Variants in PTPRT observed in about 807,000 individuals in gnomAD.
PTPRT encodes receptor-type tyrosine-protein phosphatase T.
PTPRT carries 56 observed loss-of-function variants against 176.8 expected under a neutral mutation model. The ratio of observed to expected loss-of-function variants is 0.32; its 90% CI spans 0.26 to 0.40. PTPRT has a LOEUF of 0.40. PTPRT is among the 10% of genes least tolerant of loss of function. The probability of loss-of-function intolerance (pLI) is 1.00; values close to 1 mark genes in which losing one functional copy is unlikely to be tolerated. For missense variants in PTPRT, 1,540 were observed against 1,908.2 expected, an observed-to-expected ratio of 0.81 and a Z score of 3.60; for synonymous variants, 783 against 739.0, an observed-to-expected ratio of 1.06 and a Z score of -0.96.
At chr20:42,657,575 G>A (rs2075147766) in intron 7 of PTPRT, among the ~76,000 whole-genome samples, 2 of 151,318 alleles carry the variant, frequency 1.3e-5, no homozygotes. Flanking sequence ...TTGTGGGGGG[G>A]AAAAATCTGT....
intron 1 of PTPRT, among the ~76,000 whole-genome samples, chr20:42,951,972 T>C (rs1981280250): frequency 6.6e-6 from 1 of 152,138 alleles, no homozygotes; most frequent in South Asian, 2.1e-4. Context: ...ACCAAAAGCC[T>C]CCATTTTAGG....
intron 2 of PTPRT, among the ~76,000 whole-genome samples, chr20:42,800,776 A>T (rs934002337): frequency 2.0e-5 from 3 of 152,178 alleles, no homozygotes; most frequent in African/African-American, 7.2e-5. Context: ...AAAAGAAGAG[A>T]TGACTAATCC....
At chr20:42,300,628 T>C (rs1204058477) in intron 12 of PTPRT, among the ~76,000 whole-genome samples, 1 of 151,848 alleles carries the variant, frequency 6.6e-6, no homozygotes, top group African/African-American at 2.4e-5. Flanking sequence ...TTTTTATCAA[T>C]ATAAATAAAT....
intron 7 of PTPRT, among the ~76,000 whole-genome samples, chr20:42,619,060 A>T (rs2145849500): frequency 6.6e-6 from 1 of 150,772 alleles, no homozygotes; most frequent in African/African-American, 2.5e-5. Flanking sequence ...TTTTGGCATG[A>T]TTTTGCAGCG....
At chr20:42,547,483 A>G (rs1241884342) in intron 7 of PTPRT, among the ~76,000 whole-genome samples, 1 of 152,112 alleles carries the variant, frequency 6.6e-6, no homozygotes, top group African/African-American at 2.4e-5. Context: ...TATTTTTATT[A>G]ATAGAAAAGC....
chr20:42,208,305 A>G (rs1437881275), intron 15 of PTPRT, among the ~76,000 whole-genome samples: 1 of 149,572 alleles, frequency 6.7e-6, no homozygotes, highest in Non-Finnish European at 1.5e-5. Flanking sequence ...TTAACTTTAA[A>G]TGTAAATGGA....
intron 6 of PTPRT, among the ~76,000 whole-genome samples, chr20:42,713,377 C>A (rs2076175034): frequency 6.6e-6 from 1 of 151,962 alleles, no homozygotes; most frequent in African/African-American, 2.4e-5. Context: ...AAGAAAATTC[C>A]CAAAAGCACA....
At chr20:43,185,052 T>C (rs1208992709) in intron 1 of PTPRT, among the ~76,000 whole-genome samples, 3 of 152,174 alleles carry the variant, frequency 2.0e-5, no homozygotes, top group Admixed American at 1.3e-4. Flanking sequence ...TGTTAACCCA[T>C]TGAAAATATG....
downstream of PTPRT, among the ~76,000 whole-genome samples, chr20:42,071,449 C>T (rs1219293362): frequency 6.6e-6 from 1 of 152,100 alleles, no homozygotes; most frequent in Non-Finnish European, 1.5e-5. Flanking sequence ...CTAATTTTAG[C>T]ATGTATTATA....
At chr20:42,262,848 G>A (rs991426453) in intron 13 of PTPRT, among the ~76,000 whole-genome samples, 7 of 152,252 alleles carry the variant, frequency 4.6e-5, no homozygotes, top group East Asian at 3.9e-4. Flanking sequence ...TGCTTAGGGC[G>A]GGGGAGGGGG....
intron 17 of PTPRT, among the ~76,000 whole-genome samples, chr20:42,148,455 T>G (rs7344075): frequency 2.6e-5 from 4 of 151,956 alleles, no homozygotes; most frequent in East Asian, 1.9e-4. Flanking sequence ...AGAATATACA[T>G]TGAGTCTGTC....
At chr20:42,347,420 A>T (rs1044700624) in intron 11 of PTPRT, among the ~76,000 whole-genome samples, 2 of 152,072 alleles carry the variant, frequency 1.3e-5, no homozygotes, top group Non-Finnish European at 2.9e-5. Context: ...CAGCCAGTCT[A>T]CCGCTTCTCT....
intron 22 of PTPRT, among the ~76,000 whole-genome samples, chr20:42,112,907 T>C (rs1987079895): frequency 6.6e-6 from 1 of 152,140 alleles, no homozygotes; most frequent in Non-Finnish European, 1.5e-5. Context: ...TACTTGGACT[T>C]TTTTCACGCC....
At chr20:42,581,183 A>T (rs545656254) in intron 7 of PTPRT, among the ~76,000 whole-genome samples, 2 of 152,038 alleles carry the variant, frequency 1.3e-5, no homozygotes, top group Non-Finnish European at 2.9e-5. Flanking sequence ...ACCCTTCATG[A>T]TCCACGCGAC....
chr20:42,859,565 GT>G (rs1260675375), intron 2 of PTPRT, among the ~76,000 whole-genome samples: 2 of 149,528 alleles, frequency 1.3e-5, no homozygotes, highest in East Asian at 4.0e-4. Context: ...TCTGAGCTCA[GT>G]TTGTTTATTT....
intron 3 of PTPRT, among the ~76,000 whole-genome samples, chr20:42,787,136 A>G (rs1041554968): frequency 6.6e-6 from 1 of 152,238 alleles, no homozygotes; most frequent in Non-Finnish European, 1.5e-5. Flanking sequence ...TCTGCCCTTA[A>G]CAGAAAATGT....
chr20:42,203,691 G>A (rs1445731965), intron 15 of PTPRT, among the ~76,000 whole-genome samples: 2 of 152,150 alleles, frequency 1.3e-5, no homozygotes, highest in African/African-American at 4.8e-5. Flanking sequence ...ATGTCTTCTT[G>A]ACCTTAATCC....
intron 15 of PTPRT, among the ~76,000 whole-genome samples, chr20:42,208,072 C>A (rs1160671978): frequency 3.1e-5 from 4 of 127,648 alleles, no homozygotes; most frequent in Non-Finnish European, 6.5e-5. Flanking sequence ...AAATAAAATA[C>A]TTTACAGACA....
intron 7 of PTPRT, among the ~76,000 whole-genome samples, chr20:42,473,191 T>G (rs896448459): frequency 6.6e-5 from 10 of 152,278 alleles, no homozygotes; most frequent in African/African-American, 2.4e-4. Flanking sequence ...ATCCCTCTTT[T>G]TCTCCCCTGG....
Sources: gnomAD v4.1 joint callset for allele counts (sites outside exome capture counted in the v4.1 genomes callset) on GRCh38, gnomAD v4.1.1 for gene constraint, MANE v1.5 for transcripts, NCBI Gene and HGNC (gene_info 2026-07-23, HGNC 2026-07-21) for gene names.